ATP6V1H: variants seen among roughly 807,000 people sequenced by gnomAD.
ATP6V1H encodes ATPase H+ transporting V1 subunit H, also known as V-type proton ATPase subunit H.
In ATP6V1H, 39 loss-of-function variants were observed where a neutral mutation model predicts 71.7. That is an observed-to-expected ratio of 0.54 (90% CI 0.42 to 0.71). The LOEUF (loss-of-function observed/expected upper bound fraction) is 0.71. Among genes scored for constraint, ATP6V1H ranks in the 30% least tolerant of loss-of-function variants. ATP6V1H has a pLI of 0.00. For missense variants in ATP6V1H, 509 were observed against 594.9 expected (o/e 0.86, Z 1.50); for synonymous variants, 192 against 199.3 (o/e 0.96, Z 0.31).
chr8:53,772,305 T>C (rs1478237269), intron 9 of ATP6V1H, 138 bp from the exon 10 acceptor site: 1 of 667,774 alleles, frequency 1.5e-6, no homozygotes, highest in Non-Finnish European at 2.5e-6. Context: ...GATGACTCTA[T>C]CTCAAATCCT....
chr8:53,785,174 C>A (rs1001323035), intron 9 of ATP6V1H, among the ~76,000 whole-genome samples: 1 of 151,990 alleles, frequency 6.6e-6, no homozygotes, highest in Non-Finnish European at 1.5e-5. Flanking sequence ...TTCAGGTACA[C>A]CAATCAGACG....
chr8:53,780,708 A>G (rs1211534669), intron 9 of ATP6V1H, among the ~76,000 whole-genome samples: 1 of 151,696 alleles, frequency 6.6e-6, no homozygotes, highest in Non-Finnish European at 1.5e-5. Flanking sequence ...ACTCCACAAC[A>G]GCCCCCGGTG....
rs113120140 is a variant in ATP6V1H at position 53,755,104 on chromosome 8, CAATT to C, written c.1277+1447_1277+1450del. Among the ~76,000 whole-genome samples, 8 of 152,248 alleles carry C rather than the reference CAATT, an allele frequency of 5.3e-5. 1 individual carries two copies. Among genetic ancestry groups the C allele is most frequent in the African/African-American group, 1.9e-4 (8 of 41,544 alleles). ...CGCAGTGGGTGACAGGCCCAGCACT[CAATT>C]AAACAGAAGGCACTGGCAACAGCTT... On this transcript the variant is annotated intron_variant, in intron 12 of 13. Coordinates refer to ENST00000359530, the MANE Select transcript of ATP6V1H (RefSeq NM_015941.4).
At chr8:53,823,534 A>G (rs1397913936) in intron 4 of ATP6V1H, among the ~76,000 whole-genome samples, 1 of 152,174 alleles carries the variant, frequency 6.6e-6, no homozygotes, top group Non-Finnish European at 1.5e-5. Context: ...CTGCAGTGCA[A>G]TGGCACAATC....
intron 8 of ATP6V1H, among the ~76,000 whole-genome samples, chr8:53,798,620 C>A (rs1353783387): frequency 6.6e-6 from 1 of 151,682 alleles, no homozygotes; most frequent in East Asian, 1.9e-4. Context: ...AACACACACA[C>A]ACACACACAC....
intron 8 of ATP6V1H, among the ~76,000 whole-genome samples, chr8:53,797,588 A>C (rs1253416177): frequency 6.6e-6 from 1 of 152,178 alleles, no homozygotes; most frequent in African/African-American, 2.4e-5. Flanking sequence ...GCAAATTTTA[A>C]TGATTCCAGT....
intron 4 of ATP6V1H, among the ~76,000 whole-genome samples, chr8:53,828,064 G>GAACA (rs1268710178): frequency 5.3e-5 from 8 of 152,074 alleles, no homozygotes; most frequent in Non-Finnish European, 1.2e-4. Flanking sequence ...GCGCTGCAAC[G>GAACA]AACAAACACG....
At chr8:53,784,364 G>A (rs1208481042) in intron 9 of ATP6V1H, among the ~76,000 whole-genome samples, 3 of 152,084 alleles carry the variant, frequency 2.0e-5, no homozygotes, top group Non-Finnish European at 4.4e-5. Flanking sequence ...TGCAACCCCT[G>A]CCTTTTTTTG....
At chr8:53,765,284 C>T (rs1808411082) in intron 11 of ATP6V1H, among the ~76,000 whole-genome samples, 1 of 151,660 alleles carries the variant, frequency 6.6e-6, no homozygotes, top group Non-Finnish European at 1.5e-5. Flanking sequence ...CGCCTGTAAT[C>T]CCAGCTACTT....
chr8:53,724,437 C>T (rs1015952781), intron 13 of ATP6V1H, among the ~76,000 whole-genome samples: 1 of 152,106 alleles, frequency 6.6e-6, no homozygotes, highest in African/African-American at 2.4e-5. Context: ...GCCACATAGC[C>T]TATCAGAGGA....
chr8:53,831,438 C>T (rs1185174474), intron 3 of ATP6V1H, among the ~76,000 whole-genome samples: 3 of 152,248 alleles, frequency 2.0e-5, no homozygotes, highest in Non-Finnish European at 4.4e-5. Context: ...CTATTACATA[C>T]ACAGTCCAAC....
chr8:53,744,048 T>G (rs1191722269), intron 12 of ATP6V1H, among the ~76,000 whole-genome samples: 1 of 152,142 alleles, frequency 6.6e-6, no homozygotes, highest in East Asian at 1.9e-4. Context: ...ATATCAGTAT[T>G]GAACACCATC....
intron 7 of ATP6V1H, 37 bp from the exon 8 acceptor site, chr8:53,801,933 G>C: frequency 6.4e-7 from 1 of 1,552,002 alleles, no homozygotes; most frequent in Non-Finnish European, 8.9e-7. Context: ...TAAATGGGAA[G>C]CATTTAAAGT....
At chr8:53,817,379 A>C (rs1810484966) in intron 5 of ATP6V1H, 38 bp downstream of exon 5, 1 of 1,453,362 alleles carries the variant, frequency 6.9e-7, no homozygotes, top group Non-Finnish European at 9.5e-7. Flanking sequence ...CTCTTTAAAA[A>C]AATTTTAAAA....
At chr8:53,744,133 T>A (rs1807513076) in intron 12 of ATP6V1H, among the ~76,000 whole-genome samples, 1 of 152,078 alleles carries the variant, frequency 6.6e-6, no homozygotes, top group Non-Finnish European at 1.5e-5. Context: ...GGCTTAGATG[T>A]AGATAGCAGG....
At chr8:53,818,839 C>A (rs1212358622) in intron 4 of ATP6V1H, among the ~76,000 whole-genome samples, 1 of 152,046 alleles carries the variant, frequency 6.6e-6, no homozygotes, top group Non-Finnish European at 1.5e-5. Flanking sequence ...TTATAAATAG[C>A]ACAAGGAATT....
chr8:53,787,445 G>A lies in ATP6V1H; in HGVS notation c.870+8202C>T, dbSNP rs1809424174. ...CCTGCATGGAAAAATGCATGTACAT[G>A]CGTGTGCATGTTTATGTCTAGTGAG... On this transcript the variant is annotated intron_variant, in intron 9 of 13. Coordinates refer to ENST00000359530, the MANE Select transcript of ATP6V1H (RefSeq NM_015941.4). Among the ~76,000 whole-genome samples, 3 of 152,336 alleles carry A rather than the reference G, an allele frequency of 2.0e-5. No homozygotes were observed. In the South Asian group the frequency reaches 6.2e-4, roughly 32 times the overall value.
chr8:53,765,491 AC>A (rs1808426567), intron 11 of ATP6V1H, among the ~76,000 whole-genome samples: 1 of 148,832 alleles, frequency 6.7e-6, no homozygotes, highest in Non-Finnish European at 1.5e-5. Flanking sequence ...ACACACACAC[AC>A]ACACACACAA....
intron 13 of ATP6V1H, among the ~76,000 whole-genome samples, chr8:53,736,660 C>G (rs1215089950): frequency 1.4e-5 from 2 of 147,886 alleles, no homozygotes; most frequent in African/African-American, 5.2e-5. Context: ...CATCAGAAAA[C>G]CTCGGCACAA....
Sources: gnomAD v4.1 joint callset for allele counts (sites outside exome capture counted in the v4.1 genomes callset) on GRCh38, gnomAD v4.1.1 for gene constraint, MANE v1.5 for transcripts, NCBI Gene and HGNC (gene_info 2026-07-23, HGNC 2026-07-21) for gene names.